The following ELP4 variants were observed in gnomAD, a reference collection of about 807,000 sequenced individuals.
The protein encoded by ELP4 is elongator complex protein 4.
ELP4 carries 51 observed loss-of-function variants against 48.9 expected under a neutral mutation model. The ratio of observed to expected loss-of-function variants is 1.04; its 90% CI spans 0.83 to 1.32. The LOEUF is 1.32. Ranked by LOEUF, ELP4 falls within the 40% of genes most tolerant of loss-of-function variation. ELP4 has a pLI of 0.00. For missense variants in ELP4, 519 were observed against 514.6 expected, an observed-to-expected ratio of 1.01 and a Z score of -0.08; for synonymous variants, 210 against 189.2, an observed-to-expected ratio of 1.11 and a Z score of -0.90.
chr11:31,660,453 T>G (rs916910178), intron 9 of ELP4, among the ~76,000 whole-genome samples: 1 of 152,180 alleles, frequency 6.6e-6, no homozygotes, highest in African/African-American at 2.4e-5. Context: ...AAACTTCTCT[T>G]GTAGTCAGTA....
rs1236570049 is a variant in ELP4 at position 31,668,704 on chromosome 11, GTGTGTGTGTGTGTGTGTA to G, written c.1143+18484_1143+18501del. Among the ~76,000 whole-genome samples the G allele has an allele frequency of 1.2e-3, 178 of 143,166 alleles. 3 individuals are homozygous for G. The East Asian group carries it at 0.02, about 16-fold the overall frequency. The allele number at this position is 143,166 out of a possible 152,430, so 93.9% of individuals were successfully genotyped here. A position where few individuals can be genotyped will look rare whatever the true frequency, so the allele number is the denominator to read the frequency against. ...TGTGTGTGTGTGTGTGTGTGTGTGT[GTGTGTGTGTGTGTGTGTA>G]AGAACCCTGTAGAGAGAAAAATAAG... On this transcript the variant is annotated intron_variant, in intron 9 of 9. Transcript: ENST00000640961.
At chr11:31,543,455 G>A (rs1221332415) in intron 3 of ELP4, among the ~76,000 whole-genome samples, 1 of 152,080 alleles carries the variant, frequency 6.6e-6, no homozygotes, top group Non-Finnish European at 1.5e-5. Flanking sequence ...AAGTAGCGGG[G>A]ACTACAGGCA....
chr11:31,571,690 G>A (rs1387268252), intron 3 of ELP4, among the ~76,000 whole-genome samples: 2 of 152,120 alleles, frequency 1.3e-5, no homozygotes, highest in African/African-American at 4.8e-5. Context: ...TGATCCATGG[G>A]CTACAGAATG....
rs370013446 is a variant in ELP4 at position 31,725,089 on chromosome 11, T to G, written c.1144-58304T>G. Reference sequence around the variant, plus strand: ...ATAGGCATATGTTTCTTTACACAGCTGCCCTCTCAAGAGTCTGCTGTTCAT... The same window carrying G: ...ATAGGCATATGTTTCTTTACACAGCGGCCCTCTCAAGAGTCTGCTGTTCAT... On this transcript the variant is annotated intron_variant, in intron 9 of 9. Transcript: ENST00000640961. Among the ~76,000 whole-genome samples, 244 of 152,318 alleles carry G rather than the reference T, an allele frequency of 1.6e-3. 2 individuals are homozygous for G. The highest frequency in any genetic ancestry group is 5.1e-3 in the African/African-American group (213 of 41,572).
At chr11:31,761,372 A>G (rs1947941877) in intron 9 of ELP4, among the ~76,000 whole-genome samples, 1 of 151,730 alleles carries the variant, frequency 6.6e-6, no homozygotes, top group South Asian at 2.1e-4. Flanking sequence ...TGCTGTTTAG[A>G]GTGATAAAAC....
chr11:31,513,529 T>C (rs1956049111), intron 1 of ELP4, among the ~76,000 whole-genome samples: 1 of 152,194 alleles, frequency 6.6e-6, no homozygotes, highest in South Asian at 2.1e-4. Flanking sequence ...TTCCTTTATA[T>C]AGAGGTCTGG....
intron 3 of ELP4, among the ~76,000 whole-genome samples, chr11:31,568,207 C>G (rs1167390301): frequency 3.3e-5 from 5 of 152,026 alleles, no homozygotes; most frequent in Non-Finnish European, 7.4e-5. Context: ...TTCACAATAG[C>G]CACAAAAAGA....
At chr11:31,739,368 A>T (rs189654344) in intron 9 of ELP4, among the ~76,000 whole-genome samples, 1 of 152,206 alleles carries the variant, frequency 6.6e-6, no homozygotes, top group Non-Finnish European at 1.5e-5. Flanking sequence ...TTCACTGTGG[A>T]TCTATGTTGT....
At chr11:31,756,167 A>G (rs1174499097) in intron 9 of ELP4, among the ~76,000 whole-genome samples, 1 of 152,138 alleles carries the variant, frequency 6.6e-6, no homozygotes, top group Admixed American at 6.5e-5. Flanking sequence ...CTGGCCTCCT[A>G]ATTGGTCTCC....
At chr11:31,684,395 T>TG (rs2134127904) in intron 9 of ELP4, among the ~76,000 whole-genome samples, 1 of 152,168 alleles carries the variant, frequency 6.6e-6, no homozygotes, top group Non-Finnish European at 1.5e-5. Flanking sequence ...TTACTAGAGA[T>TG]GGGGTTTCAC....
intron 7 of ELP4, chr11:31,633,164 T>G (rs1944900623): frequency 6.6e-6 from 1 of 152,148 alleles, no homozygotes; most frequent in African/African-American, 2.4e-5. Context: ...TATAAAGTTA[T>G]GTAATCTTAG....
chr11:31,655,211 G>A (rs1256504861), intron 9 of ELP4, among the ~76,000 whole-genome samples: 1 of 151,778 alleles, frequency 6.6e-6, no homozygotes, highest in Non-Finnish European at 1.5e-5. Flanking sequence ...GCATTACATA[G>A]GTTTCAAAGA....
intron 9 of ELP4, among the ~76,000 whole-genome samples, chr11:31,693,998 T>C (rs1408247199): frequency 6.6e-6 from 1 of 152,202 alleles, no homozygotes; most frequent in Non-Finnish European, 1.5e-5. Context: ...CGCCCACTTT[T>C]TGATGGGGTT....
chr11:31,647,168 A>C (rs573010532), intron 7 of ELP4: 1 of 151,914 alleles, frequency 6.6e-6, no homozygotes, highest in Admixed American at 6.6e-5. Context: ...AGCATCTGGA[A>C]AGAGAAAACA....
chr11:31,571,948 G>A (rs1957199579), intron 3 of ELP4, among the ~76,000 whole-genome samples: 1 of 152,130 alleles, frequency 6.6e-6, no homozygotes, highest in African/African-American at 2.4e-5. Context: ...ATTCTTAAGG[G>A]CCCTAGGATT....
intron 9 of ELP4, among the ~76,000 whole-genome samples, chr11:31,738,446 CA>C (rs1267671701): frequency 6.6e-6 from 1 of 150,674 alleles, no homozygotes; most frequent in African/African-American, 2.4e-5. Context: ...AAATAAAAAA[CA>C]AAAAAGCCAG....
chr11:31,776,517 T>C (rs1948251467), intron 9 of ELP4, among the ~76,000 whole-genome samples: 1 of 152,232 alleles, frequency 6.6e-6, no homozygotes, highest in Non-Finnish European at 1.5e-5. Flanking sequence ...GGAGAATAGA[T>C]TTTGGGAGTA....
At chr11:31,680,890 A>G (rs994050568) in intron 9 of ELP4, among the ~76,000 whole-genome samples, 24 of 152,208 alleles carry the variant, frequency 1.6e-4, no homozygotes, top group African/African-American at 5.3e-4. Context: ...TAAAAACTCA[A>G]TTTAAAATAT....
chr11:31,665,547 A>ACCATAAT (rs1049855950), intron 9 of ELP4, among the ~76,000 whole-genome samples: 1 of 151,978 alleles, frequency 6.6e-6, no homozygotes, highest in Admixed American at 6.6e-5. Flanking sequence ...TTATTGATAT[A>ACCATAAT]CCATAATCAT....
Sources: gnomAD v4.1 joint callset for allele counts (sites outside exome capture counted in the v4.1 genomes callset) on GRCh38, gnomAD v4.1.1 for gene constraint, MANE v1.5 for transcripts, NCBI Gene and HGNC (gene_info 2026-07-23, HGNC 2026-07-21) for gene names.